The following COL24A1 variants were observed in gnomAD, a reference collection of about 807,000 sequenced individuals.
The protein encoded by COL24A1 is collagen type XXIV alpha 1 chain.
Under a neutral mutation model 253.9 loss-of-function variants are expected in COL24A1, and 224 were observed. The observed-to-expected ratio is 0.88, with a 90% CI of 0.79 to 0.99. The LOEUF (loss-of-function observed/expected upper bound fraction) is 0.99, where lower values mean the gene tolerates loss of function less well. Among genes scored for constraint, COL24A1 ranks in the 50% least tolerant of loss-of-function variants. The pLI is 0.00. For missense variants in COL24A1, 2,131 were observed against 2,068.5 expected, an observed-to-expected ratio of 1.03 and a Z score of -0.59; for synonymous variants, 685 against 673.7, an observed-to-expected ratio of 1.02 and a Z score of -0.26.
At chr1:86,075,923 C>A (rs903137514) in intron 7 of COL24A1, among the ~76,000 whole-genome samples, 5 of 152,020 alleles carry the variant, frequency 3.3e-5, no homozygotes, top group Non-Finnish European at 7.4e-5. Flanking sequence ...TATGACAAAC[C>A]CACAGCCAAT....
intron 39 of COL24A1, among the ~76,000 whole-genome samples, chr1:85,844,101 C>T (rs919871416): frequency 2.0e-5 from 3 of 151,028 alleles, no homozygotes; most frequent in Admixed American, 2.0e-4. Flanking sequence ...TGTTTATTAG[C>T]CCCAAAAAAG....
intron 19 of COL24A1, among the ~76,000 whole-genome samples, chr1:86,006,798 A>G (rs893163367): frequency 3.9e-5 from 6 of 152,180 alleles, no homozygotes; most frequent in African/African-American, 1.4e-4. Context: ...ACAATTAAAA[A>G]AAACATTAAA....
chr1:85,829,724 A>T (rs921465065), intron 43 of COL24A1, among the ~76,000 whole-genome samples: 1 of 151,958 alleles, frequency 6.6e-6, no homozygotes, highest in African/African-American at 2.4e-5. Context: ...TGGCCTCCTG[A>T]GGCTTCTGCA....
chr1:85,786,242 C>T, intron 48 of COL24A1, 112 bp downstream of exon 48: 3 of 938,890 alleles, frequency 3.2e-6, no homozygotes. Flanking sequence ...TTACTATTAG[C>T]CAAATTCTAT....
chr1:86,076,524 A>G (rs1326281887), intron 7 of COL24A1, among the ~76,000 whole-genome samples: 2 of 152,252 alleles, frequency 1.3e-5, no homozygotes. Context: ...CTTTCTTCAC[A>G]GAATTAGAAA....
chr1:85,901,291 C>T (rs1684262095), intron 28 of COL24A1, among the ~76,000 whole-genome samples: 1 of 152,034 alleles, frequency 6.6e-6, no homozygotes, highest in Non-Finnish European at 1.5e-5. Flanking sequence ...CCAACAGACA[C>T]ATGAAAAAAT....
In COL24A1 at chr1:86,089,544, G is replaced by C. The variant is rs549481677; in HGVS notation, c.1654-317C>G. Among the ~76,000 whole-genome samples the C allele has an allele frequency of 5.9e-5, 9 of 152,322 alleles. No homozygotes were observed. The South Asian group carries it at 8.3e-4, about 14-fold the overall frequency. On this transcript the variant is annotated intron_variant, in intron 6 of 59. Transcript: ENST00000370571. ...TTTTAAAAATTGAAAGTAGGGCTGG[G>C]CGCGGTGGCCCAGGCCTGTAATCCT...
chr1:85,979,961 A>C (rs1371261135), intron 20 of COL24A1, among the ~76,000 whole-genome samples: 2 of 152,218 alleles, frequency 1.3e-5, no homozygotes, highest in Non-Finnish European at 2.9e-5. Context: ...AACCAAATCT[A>C]ACAGCTTATC....
intron 14 of COL24A1, chr1:86,030,345 TGAACA>T (rs1262181260): frequency 6.6e-6 from 1 of 152,238 alleles, no homozygotes; most frequent in Non-Finnish European, 1.5e-5. Flanking sequence ...GGAGAATCAG[TGAACA>T]GCACGTCTCA....
intron 20 of COL24A1, 44 bp from the exon 21 acceptor site, chr1:85,971,437 A>G: frequency 6.8e-7 from 1 of 1,461,022 alleles, no homozygotes; most frequent in Non-Finnish European, 9.5e-7. Flanking sequence ...TTTTAGATCA[A>G]CTGACATTTT....
intron 12 of COL24A1, among the ~76,000 whole-genome samples, chr1:86,034,162 T>C (rs1032794602): frequency 6.6e-5 from 10 of 152,074 alleles, no homozygotes; most frequent in Admixed American, 5.9e-4. Context: ...ACATAACATA[T>C]ACAGAAAACA....
At chr1:85,904,699 G>C (rs1419450788) in intron 28 of COL24A1, among the ~76,000 whole-genome samples, 4 of 151,976 alleles carry the variant, frequency 2.6e-5, no homozygotes, top group Non-Finnish European at 5.9e-5. Flanking sequence ...AGTCAATCCT[G>C]TTATCTTTTT....
chr1:86,036,684 C>T (rs908795806), intron 12 of COL24A1, among the ~76,000 whole-genome samples: 6 of 151,864 alleles, frequency 4.0e-5, no homozygotes, highest in Admixed American at 6.6e-5. Flanking sequence ...AGCTTCATTG[C>T]CAAAAAATGG....
intron 27 of COL24A1, among the ~76,000 whole-genome samples, chr1:85,907,471 T>C (rs545255128): frequency 9.9e-5 from 15 of 151,872 alleles, no homozygotes; most frequent in Non-Finnish European, 2.1e-4. Context: ...ACACCCTGAA[T>C]AAAAAATGGA....
intron 42 of COL24A1, among the ~76,000 whole-genome samples, chr1:85,839,289 T>C (rs911724727): frequency 6.6e-6 from 1 of 152,220 alleles, no homozygotes; most frequent in Non-Finnish European, 1.5e-5. Context: ...AACTTACTTT[T>C]TTACTAAATA....
intron 24 of COL24A1, among the ~76,000 whole-genome samples, chr1:85,914,300 A>T (rs1685649774): frequency 8.3e-6 from 1 of 120,864 alleles, no homozygotes; most frequent in Admixed American, 9.0e-5. Flanking sequence ...TTATTTTGTC[A>T]TGAATGTGTG....
chr1:86,092,798 A>G (rs1050207350), intron 5 of COL24A1, among the ~76,000 whole-genome samples: 3 of 151,966 alleles, frequency 2.0e-5, no homozygotes, highest in African/African-American at 7.2e-5. Flanking sequence ...AGAAAAATGA[A>G]CATAAAAAAG....
intron 12 of COL24A1, among the ~76,000 whole-genome samples, chr1:86,046,388 A>G (rs1193435218): frequency 6.6e-6 from 1 of 152,112 alleles, no homozygotes; most frequent in African/African-American, 2.4e-5. Flanking sequence ...ATTTTTTTTA[A>G]CCTGAAAATA....
chr1:86,098,448 T>C (rs1704181967), intron 5 of COL24A1, among the ~76,000 whole-genome samples: 1 of 152,120 alleles, frequency 6.6e-6, no homozygotes. Context: ...TGTGCTTATA[T>C]GAGGTAGACT....
Sources: gnomAD v4.1 joint callset for allele counts (sites outside exome capture counted in the v4.1 genomes callset) on GRCh38, gnomAD v4.1.1 for gene constraint, MANE v1.5 for transcripts, NCBI Gene and HGNC (gene_info 2026-07-23, HGNC 2026-07-21) for gene names.